The following FHIT variants were observed in gnomAD, a reference collection of about 807,000 sequenced individuals.
FHIT encodes fragile histidine triad diadenosine triphosphatase.
Under a neutral mutation model 17.9 loss-of-function variants are expected in FHIT, and 19 were observed. That is an observed-to-expected ratio of 1.06 (90% confidence interval 0.74 to 1.56). The LOEUF is 1.56. Among genes scored for constraint, FHIT ranks in the 40% most tolerant of loss-of-function variants. The pLI is 0.00. For missense variants in FHIT, 248 were observed against 189.2 expected, an observed-to-expected ratio of 1.31 and a Z score of -1.82; for synonymous variants, 81 against 69.7, an observed-to-expected ratio of 1.16 and a Z score of -0.81.
chr3:61,102,799 G>A (rs1437882819), intron 2 of FHIT, among the ~76,000 whole-genome samples: 1 of 152,132 alleles, frequency 6.6e-6, no homozygotes, highest in Non-Finnish European at 1.5e-5. Flanking sequence ...TATGTGTCCA[G>A]GAATTTATCC....
chr3:61,214,888 C>T (rs1022085760), intron 1 of FHIT, among the ~76,000 whole-genome samples: 5 of 152,102 alleles, frequency 3.3e-5, no homozygotes, highest in Non-Finnish European at 7.3e-5. Context: ...AGCATATAAA[C>T]AGAGCCAAAG....
At chr3:60,868,684 A>C (rs577339211) in intron 3 of FHIT, among the ~76,000 whole-genome samples, 1 of 152,270 alleles carries the variant, frequency 6.6e-6, no homozygotes, top group African/African-American at 2.4e-5. Flanking sequence ...ATGGCGATAC[A>C]TTTTAGCTAA....
intron 3 of FHIT, among the ~76,000 whole-genome samples, chr3:61,019,998 A>C (rs1487674430): frequency 1.3e-5 from 2 of 152,118 alleles, no homozygotes; most frequent in South Asian, 2.1e-4. Flanking sequence ...TATTTCTCCT[A>C]ATGCTATCCC....
At chr3:60,138,783 A>T (rs9860134) in intron 5 of FHIT, among the ~76,000 whole-genome samples, 1 of 152,120 alleles carries the variant, frequency 6.6e-6, no homozygotes. Context: ...GACCACGAGG[A>T]GTACCACTAC....
At chr3:59,768,183 G>T (rs1701895686) in intron 8 of FHIT, among the ~76,000 whole-genome samples, 1 of 152,182 alleles carries the variant, frequency 6.6e-6, no homozygotes, top group Non-Finnish European at 1.5e-5. Context: ...TATATCGTGG[G>T]TTCTCTTATT....
chr3:60,239,804 T>G (rs1312543271), intron 5 of FHIT, among the ~76,000 whole-genome samples: 4 of 152,108 alleles, frequency 2.6e-5, no homozygotes, highest in Non-Finnish European at 5.9e-5. Flanking sequence ...ACTAATAGAC[T>G]TAGATAAATG....
Position 59,845,312 on chromosome 3 carries a change from T to A in FHIT, c.348+77034A>T, listed in dbSNP as rs75496135. ...TCTCATTTATCTTTGCTCTAATCTT[T>A]ATTCTTTCCTTCTGTTAGCTTTGGG... is the stretch of plus-strand genomic sequence containing the variant. On this transcript the variant is annotated intron_variant, in intron 8 of 9. Coordinates refer to ENST00000492590, the MANE Select transcript of FHIT (RefSeq NM_002012.4). Among the ~76,000 whole-genome samples, 43 of 152,170 alleles carry A rather than the reference T, an allele frequency of 2.8e-4. 1 individual carries two copies. In the East Asian group the frequency reaches 8.1e-3, roughly 29 times the overall value.
chr3:60,936,771 A>G (rs575978857), intron 3 of FHIT, among the ~76,000 whole-genome samples: 5 of 152,314 alleles, frequency 3.3e-5, no homozygotes, highest in Non-Finnish European at 7.3e-5. Context: ...TAAACATTGA[A>G]AATAAAATCT....
At chr3:60,375,862 T>C (rs972064819) in intron 5 of FHIT, among the ~76,000 whole-genome samples, 3 of 152,120 alleles carry the variant, frequency 2.0e-5, no homozygotes, top group Admixed American at 6.6e-5. Context: ...ACGATAAAAA[T>C]GTTCCAGATG....
intron 3 of FHIT, among the ~76,000 whole-genome samples, chr3:60,961,495 G>C (rs1265733079): frequency 6.6e-6 from 1 of 152,132 alleles, no homozygotes; most frequent in Admixed American, 6.5e-5. Flanking sequence ...TAGTCATAAA[G>C]CCCTTACCCA....
At chr3:60,445,801 AT>A (rs545404156) in intron 5 of FHIT, among the ~76,000 whole-genome samples, 4 of 152,042 alleles carry the variant, frequency 2.6e-5, no homozygotes, top group East Asian at 3.9e-4. Flanking sequence ...AAAAAAAAAA[AT>A]CATCCATTTC....
chr3:60,226,397 G>A lies in FHIT; in HGVS notation c.104-212245C>T, dbSNP rs148051951. 7.9e-3 allele frequency among the ~76,000 whole-genome samples: 1,183 copies of A among 150,236 alleles called. 15 individuals carry two copies. Among genetic ancestry groups the A allele is most frequent in the African/African-American group, 0.028 (1,118 of 40,638 alleles). On this transcript the variant is annotated intron_variant, in intron 5 of 9. Transcript: ENST00000492590. ...TGAGGCAGGAGAACCGCTTGAACCC[G>A]GGAGGCGGAGGTTGCGGTGAGCTGA... is the stretch of plus-strand genomic sequence containing the variant.
chr3:59,940,984 T>A (rs1160499674), intron 7 of FHIT, among the ~76,000 whole-genome samples: 1 of 152,174 alleles, frequency 6.6e-6, no homozygotes, highest in East Asian at 1.9e-4. Context: ...TTTTCATTTT[T>A]TGTTCCCATA....
chr3:60,335,393 T>A (rs1201686226), intron 5 of FHIT, among the ~76,000 whole-genome samples: 1 of 152,244 alleles, frequency 6.6e-6, no homozygotes, highest in Admixed American at 6.5e-5. Flanking sequence ...GGTTTTAGAC[T>A]AAATTCAGTT....
intron 5 of FHIT, among the ~76,000 whole-genome samples, chr3:60,219,035 T>G (rs17062503): frequency 0.026 from 4,001 of 152,214 alleles, 184 homozygotes; most frequent in African/African-American, 0.09. Flanking sequence ...ATCACTGAAT[T>G]TTACTACCAT....
chr3:59,942,790 A>T (rs1285223637), intron 7 of FHIT, among the ~76,000 whole-genome samples: 1 of 152,164 alleles, frequency 6.6e-6, no homozygotes, highest in Non-Finnish European at 1.5e-5. Flanking sequence ...CTTGGACTAC[A>T]GGCATGCACC....
rs545997811 is a variant in FHIT, at chr3:60,901,189, T to C, written c.-110-79178A>G. Among the ~76,000 whole-genome samples, 3 of 152,350 alleles carry C rather than the reference T, an allele frequency of 2.0e-5. No individual in the cohort carries two copies. In the East Asian group the frequency reaches 5.8e-4, roughly 29 times the overall value. ...TTTAGGCTCCAAAATGGCTTGGCAC[T>C]GTACTAATCCTTATTTAAAACTTCA... On this transcript the variant is annotated intron_variant, in intron 3 of 9. Coordinates refer to ENST00000492590, the MANE Select transcript of FHIT (RefSeq NM_002012.4).
chr3:60,671,200 C>T (rs1270617883), intron 4 of FHIT, among the ~76,000 whole-genome samples: 1 of 152,096 alleles, frequency 6.6e-6, no homozygotes. Context: ...TTGATAAAAG[C>T]TTTCAAAATT....
intron 7 of FHIT, among the ~76,000 whole-genome samples, chr3:59,924,705 G>T (rs1475306337): frequency 2.0e-5 from 3 of 152,222 alleles, no homozygotes; most frequent in Non-Finnish European, 4.4e-5. Flanking sequence ...AAGATATTAA[G>T]AAGCTCCTTG....
Sources: allele counts gnomAD v4.1 joint callset (sites outside exome capture counted in the v4.1 genomes callset), GRCh38; gene constraint gnomAD v4.1.1; transcripts MANE v1.5; gene names NCBI Gene and HGNC (gene_info 2026-07-23, HGNC 2026-07-21).